Variants in FAM193A observed in about 807,000 individuals in gnomAD.
FAM193A encodes family with sequence similarity 193 member A.
In FAM193A, 22 loss-of-function variants were observed where a neutral mutation model predicts 126.5. The ratio of observed to expected loss-of-function variants is 0.17; its 90% confidence interval spans 0.12 to 0.25. The LOEUF (loss-of-function observed/expected upper bound fraction) is 0.25, where lower values mean the gene tolerates loss of function less well. Ranked by LOEUF, FAM193A falls within the 10% of genes least tolerant of loss-of-function variation. The pLI is 1.00. For missense variants in FAM193A, 1,675 were observed against 1,672.8 expected (o/e 1.00, Z -0.02); for synonymous variants, 761 against 646.8 (o/e 1.18, Z -2.68).
chr4:2,721,398 G>A (rs1720139892), intron 20 of FAM193A, among the ~76,000 whole-genome samples: 1 of 150,798 alleles, frequency 6.6e-6, no homozygotes. Flanking sequence ...TGACACAGGA[G>A]TATCCCTTGA....
chr4:2,557,702 C>G (rs1381900355), intron 1 of FAM193A, among the ~76,000 whole-genome samples: 1 of 152,108 alleles, frequency 6.6e-6, no homozygotes, highest in Non-Finnish European at 1.5e-5. Flanking sequence ...CCTGTAATCT[C>G]AGCACTTTGG....
chr4:2,663,479 C>T (rs924073359), intron 12 of FAM193A, among the ~76,000 whole-genome samples, 191 bp downstream of exon 12: 11 of 152,014 alleles, frequency 7.2e-5, no homozygotes, highest in Admixed American at 2.0e-4. Flanking sequence ...ATCTTGATTT[C>T]GCAACACCCC....
At chr4:2,679,931 C>G (rs972537896) in intron 13 of FAM193A, among the ~76,000 whole-genome samples, 2 of 151,764 alleles carry the variant, frequency 1.3e-5, no homozygotes, top group African/African-American at 4.9e-5. Flanking sequence ...ACAATCTCCA[C>G]TCACTGCAAC....
At chr4:2,536,219 C>T (rs1223870428), upstream of FAM193A, among the ~76,000 whole-genome samples, 5 of 151,708 alleles carry the variant, frequency 3.3e-5, no homozygotes, top group East Asian at 5.8e-4. Context: ...AACTCCCTGC[C>T]GCCAGCCGTG....
intron 18 of FAM193A, among the ~76,000 whole-genome samples, chr4:2,698,008 A>G (rs557990987): frequency 1.3e-5 from 2 of 152,172 alleles, no homozygotes; most frequent in African/African-American, 4.8e-5. Flanking sequence ...GCTGAACCTT[A>G]GAGGCTGATG....
Position 2,693,805 on chromosome 4 carries a change from A to G in FAM193A, c.3023A>G (p.Lys1008Arg). ...ACTCCTGGGTTTGTGGACACACGCA[A>G]GAGTTTCTGTCCTGCACCCCTACCC... ...TTTPGFVDTRKSFCPAPLPPA... is the reference protein window; with the variant it reads ...TTTPGFVDTRRSFCPAPLPPA... Residue 1008 changes from lysine (K) to arginine (R), a missense_variant, in exon 16 of 21, where the codon AAG (lysine) becomes AGG (arginine). By Grantham distance (26) the Lys-to-Arg change is conservative. This residue lies in a region of FAM193A where 1,186 missense variants were observed against 1,109.2 expected (regional missense o/e 1.07). Transcript: ENST00000637812. 6.2e-7 allele frequency: 1 copy of G among 1,614,232 alleles called. No homozygotes were observed. Among genetic ancestry groups the G allele is most frequent in the Non-Finnish European group, 8.5e-7 (1 of 1,180,044 alleles).
upstream of FAM193A, among the ~76,000 whole-genome samples, chr4:2,536,395 G>A (rs1410766634): frequency 1.3e-5 from 2 of 151,880 alleles, no homozygotes; most frequent in Non-Finnish European, 2.9e-5. Context: ...CAGCGCCCGG[G>A]CCCTCGGCCT....
At chr4:2,549,454 T>C (rs1270356343) in intron 1 of FAM193A, among the ~76,000 whole-genome samples, 1 of 139,270 alleles carries the variant, frequency 7.2e-6, no homozygotes, top group Non-Finnish European at 1.6e-5. Flanking sequence ...TGGAGTGCAG[T>C]GGCGGGATCT....
At chr4:2,580,592 A>C (rs926305972) in intron 1 of FAM193A, among the ~76,000 whole-genome samples, 2 of 152,184 alleles carry the variant, frequency 1.3e-5, no homozygotes, top group Non-Finnish European at 2.9e-5. Flanking sequence ...TGTCCTCCCC[A>C]TGGTAATGAA....
intron 5 of FAM193A, among the ~76,000 whole-genome samples, chr4:2,632,716 C>T (rs972782407): frequency 6.6e-6 from 1 of 152,054 alleles, no homozygotes; most frequent in African/African-American, 2.4e-5. Context: ...GGCAGTTATC[C>T]TGTTTCAAGG....
chr4:2,625,452 C>A, intron 3 of FAM193A, 57 bp downstream of exon 3: 1 of 650,956 alleles, frequency 1.5e-6, no homozygotes, highest in Admixed American at 2.2e-5. Flanking sequence ...TGCAGACCTG[C>A]ATATTGGAGC....
chr4:2,570,866 C>CATGT (rs1739252877), intron 1 of FAM193A, among the ~76,000 whole-genome samples: 1 of 152,150 alleles, frequency 6.6e-6, no homozygotes, highest in South Asian at 2.1e-4. Flanking sequence ...CTCAGGTGGT[C>CATGT]ATGTATCCTG....
chr4:2,672,708 G>A (rs1207193560), intron 13 of FAM193A, among the ~76,000 whole-genome samples: 1 of 152,126 alleles, frequency 6.6e-6, no homozygotes, highest in African/African-American at 2.4e-5. Context: ...GATCTTCCAG[G>A]GCTTGCTCTT....
At chr4:2,657,154 C>T (rs529268849) in intron 7 of FAM193A, among the ~76,000 whole-genome samples, 53 of 152,100 alleles carry the variant, frequency 3.5e-4, no homozygotes, top group Non-Finnish European at 6.8e-4. Context: ...GGTGATATAG[C>T]GAGACTCAGT....
intron 1 of FAM193A, among the ~76,000 whole-genome samples, chr4:2,593,952 T>C (rs925779630): frequency 3.7e-4 from 57 of 152,040 alleles, no homozygotes; most frequent in African/African-American, 1.4e-3. Context: ...TACTCGGTGG[T>C]TTGAGTAGTC....
intron 19 of FAM193A, among the ~76,000 whole-genome samples, chr4:2,703,157 G>A (rs1376508018): frequency 1.3e-5 from 2 of 152,078 alleles, no homozygotes; most frequent in Non-Finnish European, 2.9e-5. Context: ...TTTCTGCAGC[G>A]ACACGGTACT....
chr4:2,562,127 G>C (rs1361174933), intron 1 of FAM193A, among the ~76,000 whole-genome samples: 3 of 152,050 alleles, frequency 2.0e-5, no homozygotes, highest in Non-Finnish European at 2.9e-5. Flanking sequence ...TATGATAATT[G>C]TAATTGTCAC....
At chr4:2,591,919 T>G (rs1284783426) in intron 1 of FAM193A, among the ~76,000 whole-genome samples, 1 of 152,184 alleles carries the variant, frequency 6.6e-6, no homozygotes, top group Non-Finnish European at 1.5e-5. Context: ...CAAAGTGTTT[T>G]CAGCAATACT....
chr4:2,699,107 A>G (rs1351807150), intron 18 of FAM193A, among the ~76,000 whole-genome samples: 4 of 152,168 alleles, frequency 2.6e-5, no homozygotes, highest in Non-Finnish European at 5.9e-5. Context: ...CATGTTGCCC[A>G]GGCTGCTCTT....
Sources: gnomAD v4.1 joint callset for allele counts (sites outside exome capture counted in the v4.1 genomes callset) on GRCh38, gnomAD v4.1.1 for gene constraint, gnomAD v4.1.1 regional missense constraint, MANE v1.5 for transcripts, NCBI Gene and HGNC (gene_info 2026-07-23, HGNC 2026-07-21) for gene names.